MAP4: variants seen among roughly 807,000 people sequenced by gnomAD.
The protein encoded by MAP4 is microtubule-associated protein 4.
Under a neutral mutation model 170.2 loss-of-function variants are expected in MAP4, and 76 were observed. That is an observed-to-expected ratio of 0.45 (90% confidence interval 0.37 to 0.54). The LOEUF (loss-of-function observed/expected upper bound fraction) is 0.54. Ranked by LOEUF, MAP4 falls within the 20% of genes least tolerant of loss-of-function variation. The pLI is 0.00. For missense variants in MAP4, 2,506 were observed against 2,748.0 expected (o/e 0.91, Z 1.97); for synonymous variants, 909 against 994.5 (o/e 0.91, Z 1.62).
chr3:48,031,346 T>C (rs1055664912), intron 1 of MAP4, among the ~76,000 whole-genome samples: 1 of 152,044 alleles, frequency 6.6e-6, no homozygotes, highest in Non-Finnish European at 1.5e-5. Context: ...GGTCAGGAGA[T>C]TGAGATCATC....
chr3:48,005,365 A>C (rs1456454238), intron 1 of MAP4, among the ~76,000 whole-genome samples: 2 of 152,074 alleles, frequency 1.3e-5, no homozygotes, highest in African/African-American at 4.8e-5. Flanking sequence ...CTCTAAGAAA[A>C]AAAAAAGAAC....
At position 47,918,842 on chromosome 3, in the gene MAP4, C is replaced by A. The variant is rs1185896625; in HGVS notation, c.530-1G>T. The A allele has an allele frequency of 1.2e-6, 2 of 1,610,124 alleles. No homozygotes were observed. Among genetic ancestry groups the A allele is most frequent in the Non-Finnish European group, 1.7e-6 (2 of 1,177,596 alleles). Reference sequence around the variant, plus strand: ...ACAGCTGTGTTGCAGGGAGACATACCTAATATTGAAACACAAACAAATACA... The same window carrying A: ...ACAGCTGTGTTGCAGGGAGACATACATAATATTGAAACACAAACAAATACA... On this transcript the variant is annotated splice_acceptor_variant, in intron 5 of 20. Coordinates refer to ENST00000683076, the MANE Select transcript of MAP4 (RefSeq NM_001385682.1). LOFTEE classifies it high-confidence loss of function.
chr3:47,869,308 GT>G lies in MAP4; in HGVS notation c.6313del (p.Thr2105GlnfsTer35). 1 of 1,613,670 alleles carries G rather than the reference GT, an allele frequency of 6.2e-7. No individual in the cohort carries two copies. The highest frequency in any genetic ancestry group is 8.5e-7 in the Non-Finnish European group (1 of 1,179,618). On this transcript the variant is annotated frameshift_variant, in exon 16 of 21. Coordinates refer to ENST00000683076, the MANE Select transcript of MAP4 (RefSeq NM_001385682.1). LOFTEE classifies it high-confidence loss of function. ...CTTTCGGGTTGTAGCAGCTGCCTCT[GT>G]TTTTTTCTCTACTTTGGCCTGGATG... is the stretch of plus-strand genomic sequence containing the variant. ...GGGRAKVEKK[T>X]EAAATTRKPE...
In MAP4 at chr3:47,969,078, G is replaced by A. The variant is rs1375708835; in HGVS notation, c.292+8787C>T. Among the ~76,000 whole-genome samples the A allele has an allele frequency of 6.6e-5, 10 of 152,180 alleles. No individual in the cohort carries two copies. In the East Asian group the frequency reaches 1.7e-3, roughly 26 times the overall value. ...GTGGAAAATTCCAAAACTAACATCT[G>A]TGGCTATCTCTATAGTTTCTAACAA... On this transcript the variant is annotated intron_variant, in intron 3 of 20. Coordinates refer to ENST00000683076, the MANE Select transcript of MAP4 (RefSeq NM_001385682.1).
chr3:47,959,791 A>T (rs1322896972), intron 3 of MAP4, among the ~76,000 whole-genome samples: 1 of 152,036 alleles, frequency 6.6e-6, no homozygotes, highest in Non-Finnish European at 1.5e-5. Flanking sequence ...ATACATGAAG[A>T]ACATTTTGCT....
chr3:47,909,882 T>A lies in MAP4; in HGVS notation c.4539A>T (p.Thr1513=). Residue 1513 remains threonine (T), a synonymous_variant, in exon 9 of 21, where the codon ACA becomes ACT. Coordinates refer to ENST00000683076, the MANE Select transcript of MAP4 (RefSeq NM_001385682.1). The part of the protein sequence containing the change: ...TSTGGVALPI[T]TAIETVNIHG... ...GAATGTTAACTGTTTCTATGGCTGT[T>A]GTAATAGGTAGAGCAACTCCTCCTG... is the stretch of plus-strand genomic sequence containing the variant. The A allele has an allele frequency of 6.2e-7, 1 of 1,614,056 alleles. No homozygotes were observed. Among genetic ancestry groups the A allele is most frequent in the Non-Finnish European group, 8.5e-7 (1 of 1,179,898 alleles).
chr3:47,887,324 C>T lies in MAP4; in HGVS notation c.5435-9801G>A, dbSNP rs567284735. Among the ~76,000 whole-genome samples, 176 of 152,330 alleles carry T rather than the reference C, an allele frequency of 1.2e-3. 1 individual carries two copies. Among genetic ancestry groups the T allele is most frequent in the Non-Finnish European group, 1.8e-3 (125 of 68,010 alleles). ...AGCAGCCAGCCAGCCCTGCTGGCCC[C>T]GGGCAATGGGGGACTTAGCACCCGG... On this transcript the variant is annotated intron_variant, in intron 10 of 20. Transcript: ENST00000683076.
At chr3:47,853,471 C>T (rs935733793) in intron 19 of MAP4, 119 bp from the exon 20 acceptor site, 2 of 737,724 alleles carry the variant, frequency 2.7e-6, no homozygotes, top group Non-Finnish European at 4.3e-6. Flanking sequence ...CCCACTGGCT[C>T]AAGGCACAGT....
chr3:48,018,242 A>G (rs1051676849), upstream of MAP4, among the ~76,000 whole-genome samples: 1 of 152,170 alleles, frequency 6.6e-6, no homozygotes, highest in Non-Finnish European at 1.5e-5. Flanking sequence ...AGCTCCTGTA[A>G]ACTGCTGGGT....
chr3:48,064,249 C>T (rs2100137323), intron 1 of MAP4, among the ~76,000 whole-genome samples: 1 of 152,078 alleles, frequency 6.6e-6, no homozygotes, highest in Non-Finnish European at 1.5e-5. Context: ...ATTGTAAAAC[C>T]CAAGATCGTG....
intron 10 of MAP4, among the ~76,000 whole-genome samples, chr3:47,895,853 T>A (rs1365816246): frequency 3.3e-5 from 5 of 152,168 alleles, no homozygotes; most frequent in African/African-American, 1.2e-4. Flanking sequence ...CACAAAGAAG[T>A]GCATATTCCA....
At chr3:47,900,171 T>G (rs1246208216) in intron 10 of MAP4, among the ~76,000 whole-genome samples, 2 of 152,186 alleles carry the variant, frequency 1.3e-5, no homozygotes, top group African/African-American at 4.8e-5. Flanking sequence ...TGACACTCAC[T>G]CCTTGTTAAT....
chr3:48,059,156 T>A (rs2100133819), intron 1 of MAP4, among the ~76,000 whole-genome samples: 1 of 152,120 alleles, frequency 6.6e-6, no homozygotes, highest in African/African-American at 2.4e-5. Flanking sequence ...AAAAACACTT[T>A]GTGATTGAAT....
intron 1 of MAP4, among the ~76,000 whole-genome samples, chr3:48,043,685 G>T (rs2100122837): frequency 6.6e-6 from 1 of 152,082 alleles, no homozygotes; most frequent in African/African-American, 2.4e-5. Flanking sequence ...TAGTTAGGGG[G>T]TACCCCTAAA....
Position 47,850,910 on chromosome 3 carries a change from C to CTGT in MAP4, c.*2021_*2023dup, listed in dbSNP as rs1457797115. The stretch of plus-strand genomic sequence containing the variant: ...TCCTTTGAGGGAACTCTGACCACTC[C>CTGT]TGTTGTCTACCTAGAGAGCACGCCA... On this transcript the variant is annotated 3_prime_UTR_variant, in exon 21 of 21. Transcript: ENST00000683076. The CTGT allele has an allele frequency of 2.6e-5, 4 of 152,196 alleles. No individual in the cohort carries two copies. Among genetic ancestry groups the CTGT allele is most frequent in the African/African-American group, 9.7e-5 (4 of 41,420 alleles). 9.4% of individuals were successfully genotyped at this position (152,196 alleles called of 1,614,324 possible). A position where few individuals can be genotyped will look rare whatever the true frequency, so the allele number is the denominator to read the frequency against.
At chr3:47,924,192 G>T (rs2153727458) in intron 4 of MAP4, among the ~76,000 whole-genome samples, 1 of 152,250 alleles carries the variant, frequency 6.6e-6, no homozygotes, top group South Asian at 2.1e-4. Flanking sequence ...GTTCCCACAG[G>T]ATATATTTTG....
chr3:48,050,681 G>C (rs1348997988), intron 1 of MAP4, among the ~76,000 whole-genome samples: 3 of 151,540 alleles, frequency 2.0e-5, no homozygotes, highest in Admixed American at 6.6e-5. Flanking sequence ...GGCTGAGGCA[G>C]GCGGATCACA....
chr3:47,880,474 T>G (rs889774595), intron 10 of MAP4, among the ~76,000 whole-genome samples: 4 of 146,258 alleles, frequency 2.7e-5, no homozygotes, highest in Non-Finnish European at 4.5e-5. Context: ...AGTTTTTTTT[T>G]TTTTTTTTTT....
chr3:48,021,288 A>G (rs115057464), upstream of MAP4, among the ~76,000 whole-genome samples: 1,589 of 152,132 alleles, frequency 0.01, 28 homozygotes, highest in African/African-American at 0.036. Flanking sequence ...TTTTATTTTA[A>G]GGTTTTATGA....
Sources: gnomAD v4.1 joint callset for allele counts (sites outside exome capture counted in the v4.1 genomes callset) on GRCh38, gnomAD v4.1.1 for gene constraint, MANE v1.5 for transcripts, NCBI Gene and HGNC (gene_info 2026-07-23, HGNC 2026-07-21) for gene names.